The following ZNRF3 variants were observed in gnomAD, a reference collection of about 807,000 sequenced individuals.
The protein encoded by ZNRF3 is E3 ubiquitin-protein ligase ZNRF3.
Under a neutral mutation model 72.5 loss-of-function variants are expected in ZNRF3, and 23 were observed. The ratio of observed to expected loss-of-function variants is 0.32; its 90% CI spans 0.23 to 0.45. The LOEUF is 0.45. Among genes scored for constraint, ZNRF3 ranks in the 20% least tolerant of loss-of-function variants. ZNRF3 has a pLI of 1.00. For synonymous variants in ZNRF3, 610 were observed against 545.3 expected (o/e 1.12, Z -1.65); for missense variants, 1,169 against 1,272.1 (o/e 0.92, Z 1.23).
chr22:28,891,438 C>T (rs1181027957), intron 1 of ZNRF3, among the ~76,000 whole-genome samples: 1 of 152,222 alleles, frequency 6.6e-6, no homozygotes. Flanking sequence ...GATTTTGAGT[C>T]TCTCAGTCTT....
chr22:28,945,225 T>C (rs1419542901), intron 1 of ZNRF3, among the ~76,000 whole-genome samples: 1 of 151,590 alleles, frequency 6.6e-6, no homozygotes. Context: ...TTATTCGTAA[T>C]AGAAAATTAC....
At chr22:28,959,554 C>G (rs1369053096) in intron 1 of ZNRF3, among the ~76,000 whole-genome samples, 1 of 152,214 alleles carries the variant, frequency 6.6e-6, no homozygotes, top group African/African-American at 2.4e-5. Context: ...AATCAGGAAA[C>G]TAGCCATTTC....
At chr22:29,051,308 G>A (rs2037201967) in intron 8 of ZNRF3, among the ~76,000 whole-genome samples, 1 of 152,148 alleles carries the variant, frequency 6.6e-6, no homozygotes, top group Non-Finnish European at 1.5e-5. Context: ...ACCACTTTGG[G>A]AGGCCGAGGC....
chr22:28,912,038 CTTCTGAGCCAGAA>C (rs2034327827), intron 1 of ZNRF3, among the ~76,000 whole-genome samples: 2 of 152,308 alleles, frequency 1.3e-5, no homozygotes, highest in African/African-American at 2.4e-5. Context: ...CCATTAAATT[CTTCTGAGCCAGAA>C]TTCCTAGCCC....
rs1364744056 is a variant in ZNRF3, at chr22:28,917,707, C to G, written c.300+33641C>G. 2.6e-5 allele frequency among the ~76,000 whole-genome samples: 4 copies of G among 152,288 alleles called. No homozygotes were observed. In the South Asian group the frequency reaches 8.3e-4, roughly 32 times the overall value. The stretch of plus-strand genomic sequence containing the variant: ...AAAGCTTTTAAAAAGGCCAAAAGGA[C>G]ATAGGGTCTTTATCTTCCCTCAGCT... On this transcript the variant is annotated intron_variant, in intron 1 of 8. Coordinates refer to ENST00000544604, the MANE Select transcript of ZNRF3 (RefSeq NM_001206998.2).
intron 1 of ZNRF3, among the ~76,000 whole-genome samples, chr22:28,959,471 T>C (rs2035319062): frequency 6.6e-6 from 1 of 152,224 alleles, no homozygotes; most frequent in South Asian, 2.1e-4. Context: ...CATGCTTGTG[T>C]CTAGAAGTAA....
chr22:28,939,680 A>G (rs767450265), intron 1 of ZNRF3, among the ~76,000 whole-genome samples: 1 of 152,146 alleles, frequency 6.6e-6, no homozygotes, highest in Non-Finnish European at 1.5e-5. Flanking sequence ...CTCGGAGGGC[A>G]GAATCTGTGC....
At position 29,052,324 on chromosome 22, in the gene ZNRF3, G is replaced by C. The variant is rs2037221171; in HGVS notation, c.2768-1255G>C. On this transcript the variant is annotated intron_variant, in intron 8 of 8. Coordinates refer to ENST00000544604, the MANE Select transcript of ZNRF3 (RefSeq NM_001206998.2). ...TTGCCTTCTATTCCACTTGGAACCAGAGTGGCCTTTTTTGAAACATAAGTT... is the reference window on the plus strand; with the variant it reads ...TTGCCTTCTATTCCACTTGGAACCACAGTGGCCTTTTTTGAAACATAAGTT... Among the ~76,000 whole-genome samples the C allele has an allele frequency of 2.6e-5, 4 of 152,220 alleles. No homozygotes were observed. The South Asian group carries it at 8.3e-4, about 31-fold the overall frequency.
chr22:28,937,195 ATATATATATATATATATATATTTTTTT>A (rs869113225), intron 1 of ZNRF3, among the ~76,000 whole-genome samples: 8 of 91,140 alleles, frequency 8.8e-5, no homozygotes, highest in African/African-American at 4.6e-4. Context: ...ATATATATAT[ATATATATATATATATATATATTTTTTT>A]TTTTTTTTTT....
intron 2 of ZNRF3, among the ~76,000 whole-genome samples, chr22:29,000,494 T>C (rs2036123211): frequency 6.6e-6 from 1 of 152,208 alleles, no homozygotes; most frequent in African/African-American, 2.4e-5. Context: ...CTTGGTGTTT[T>C]CTAATTTTTT....
At chr22:28,887,233 AGAGTGTGT>A (rs1442896857) in intron 1 of ZNRF3, among the ~76,000 whole-genome samples, 75 of 72,882 alleles carry the variant, frequency 1.0e-3, no homozygotes, top group South Asian at 3.0e-3. Context: ...AGAGAGAGAG[AGAGTGTGT>A]GTGTGTGTGT....
intron 2 of ZNRF3, among the ~76,000 whole-genome samples, chr22:28,995,013 T>C (rs1189797516): frequency 6.6e-6 from 1 of 152,230 alleles, no homozygotes; most frequent in East Asian, 1.9e-4. Context: ...CAGGATGCCC[T>C]GGGGAAATTT....
intron 2 of ZNRF3, among the ~76,000 whole-genome samples, chr22:28,994,607 A>G (rs1416363334): frequency 2.0e-5 from 3 of 152,122 alleles, no homozygotes; most frequent in African/African-American, 7.2e-5. Context: ...TTTAATGGGT[A>G]TGAAGCTTCC....
intron 1 of ZNRF3, among the ~76,000 whole-genome samples, chr22:28,893,142 G>A (rs1287253810): frequency 6.6e-6 from 1 of 152,078 alleles, no homozygotes. Flanking sequence ...ACTCCAGCCT[G>A]AGCGACTGAG....
Position 29,049,082 on chromosome 22 carries a change from C to T in ZNRF3, c.1016-115C>T. On this transcript the variant is annotated intron_variant, in intron 7 of 8. Transcript: ENST00000544604. The surrounding 1 kb of genome is among the most constrained non-coding windows in gnomAD (Gnocchi z 5.2). ...GGGGGCAGGGTTGTGAGAATGGGTACCTTGGCAGGTGACCAAGCCTGCTGC... is the reference window on the plus strand; with the variant it reads ...GGGGGCAGGGTTGTGAGAATGGGTATCTTGGCAGGTGACCAAGCCTGCTGC... 8.3e-7 allele frequency: 1 copy of T among 1,199,764 alleles called. No individual in the cohort carries two copies. Among genetic ancestry groups the T allele is most frequent in the Non-Finnish European group, 1.2e-6 (1 of 853,192 alleles). 74.3% of individuals were successfully genotyped at this position (1,199,764 alleles called of 1,614,324 possible).
rs57329565 is a variant in ZNRF3 at position 28,994,176 on chromosome 22, C to CTTTTTTTT, written c.426+6995_426+7002dup. ...TCCTTTATTGTCCTTCAGTTCCTTT[C>CTTTTTTTT]TTTTTTTTTTTTTTTTTTTTTTTTT... On this transcript the variant is annotated intron_variant, in intron 2 of 8. Coordinates refer to ENST00000544604, the MANE Select transcript of ZNRF3 (RefSeq NM_001206998.2). Among the ~76,000 whole-genome samples the CTTTTTTTT allele has an allele frequency of 1.7e-3, 66 of 39,808 alleles. 7 individuals are homozygous for CTTTTTTTT. Among genetic ancestry groups the CTTTTTTTT allele is most frequent in the African/African-American group, 3.8e-3 (34 of 8,974 alleles). 26.1% of individuals were successfully genotyped at this position (39,808 alleles called of 152,430 possible).
intron 1 of ZNRF3, among the ~76,000 whole-genome samples, chr22:28,945,149 C>CAA (rs781088280): frequency 2.3e-5 from 2 of 86,794 alleles, no homozygotes; most frequent in Admixed American, 1.3e-4. Context: ...GACCCTGTCT[C>CAA]AAAAAAAAAA....
chr22:28,904,445 G>A (rs568476642), intron 1 of ZNRF3, among the ~76,000 whole-genome samples: 28 of 152,252 alleles, frequency 1.8e-4, no homozygotes, highest in Non-Finnish European at 3.4e-4. Context: ...CTGAGCCTTC[G>A]CTCCTCAGAT....
At chr22:28,913,759 A>G (rs778351885) in intron 1 of ZNRF3, among the ~76,000 whole-genome samples, 1 of 152,172 alleles carries the variant, frequency 6.6e-6, no homozygotes, top group Non-Finnish European at 1.5e-5. Context: ...CCACCGTCCA[A>G]GTAGGTATGA....
Sources: allele counts gnomAD v4.1 joint callset (sites outside exome capture counted in the v4.1 genomes callset), GRCh38; gene constraint gnomAD v4.1.1; non-coding constraint Gnocchi (gnomAD v3.1); transcripts MANE v1.5; gene names NCBI Gene and HGNC (gene_info 2026-07-23, HGNC 2026-07-21).